The following ANKRD27 variants were observed in gnomAD, a reference collection of about 807,000 sequenced individuals.
ANKRD27 encodes ankyrin repeat domain-containing protein 27.
A neutral mutation model predicts 129.7 loss-of-function variants in ANKRD27; 112 were observed. The ratio of observed to expected loss-of-function variants is 0.86; its 90% CI spans 0.74 to 1.01. The LOEUF (loss-of-function observed/expected upper bound fraction) is 1.01. Ranked by LOEUF, ANKRD27 falls within the 50% of genes least tolerant of loss-of-function variation. The pLI is 0.00. For missense variants in ANKRD27, 1,258 were observed against 1,300.5 expected, an observed-to-expected ratio of 0.97 and a Z score of 0.50; for synonymous variants, 516 against 511.2, an observed-to-expected ratio of 1.01 and a Z score of -0.13.
In ANKRD27 at chr19:32,599,979, G is replaced by T; in HGVS notation, c.2839C>A (p.Gln947Lys). Residue 947 changes from glutamine to lysine, a missense_variant, in exon 27 of 29, where the codon CAG becomes AAG. By Grantham distance (53) the Gln-to-Lys change is moderately conservative. Transcript: ENST00000306065. ...RQFYFVHSAG[Q>K]FKGKTSREIM... ...CTTGAGTTTCATACTCACTTAAACTGACCAGCTGAGTGGACAAAGTAAAAC... is the reference window on the plus strand; with the variant it reads ...CTTGAGTTTCATACTCACTTAAACTTACCAGCTGAGTGGACAAAGTAAAAC... The T allele has an allele frequency of 6.2e-7, 1 of 1,612,126 alleles. No individual in the cohort carries two copies. Among genetic ancestry groups the T allele is most frequent in the Non-Finnish European group, 8.5e-7 (1 of 1,178,700 alleles).
chr19:32,661,242 CA>C (rs781767854), intron 1 of ANKRD27, among the ~76,000 whole-genome samples: 417 of 151,014 alleles, frequency 2.8e-3, no homozygotes, highest in Non-Finnish European at 4.7e-3. Context: ...CACACACACA[CA>C]CACACACATA....
chr19:32,647,320 T>C (rs1057486455), intron 3 of ANKRD27, among the ~76,000 whole-genome samples: 3 of 152,260 alleles, frequency 2.0e-5, no homozygotes, highest in African/African-American at 7.2e-5. Flanking sequence ...AGGAATGCCC[T>C]GAAAGGGATG....
At chr19:32,643,799 G>A (rs1170717636) in intron 5 of ANKRD27, 168 bp from the exon 6 acceptor site, 4 of 646,804 alleles carry the variant, frequency 6.2e-6, no homozygotes, top group Non-Finnish European at 1.1e-5. Flanking sequence ...TTAAAAGCAG[G>A]AGAAACTTCC....
At position 32,645,992 on chromosome 19, in the gene ANKRD27, C is replaced by T. The variant is rs190047845; in HGVS notation, c.370+467G>A. Among the ~76,000 whole-genome samples the T allele has an allele frequency of 4.1e-3, 614 of 151,452 alleles. 5 individuals carry two copies. The highest frequency in any genetic ancestry group is 7.6e-3 in the Admixed American group (116 of 15,174). ...TGTCACCCAGGATCGAGTACAGAGG[C>T]GTGATCTCAGCTTACTGCAACCTCC... On this transcript the variant is annotated intron_variant, in intron 4 of 28. Transcript: ENST00000306065.
intron 3 of ANKRD27, among the ~76,000 whole-genome samples, chr19:32,646,957 G>A (rs194588): frequency 1.3e-5 from 2 of 151,950 alleles, no homozygotes; most frequent in Non-Finnish European, 1.5e-5. Context: ...TCCTGAGTAC[G>A]TGGCACTACA....
intron 1 of ANKRD27, among the ~76,000 whole-genome samples, chr19:32,674,502 C>T (rs1169487493): frequency 6.6e-6 from 1 of 152,204 alleles, no homozygotes; most frequent in East Asian, 1.9e-4. Context: ...GGAACAGACT[C>T]AGAATCCGGA....
At chr19:32,661,254 T>C (rs1967641850) in intron 1 of ANKRD27, among the ~76,000 whole-genome samples, 1 of 147,626 alleles carries the variant, frequency 6.8e-6, no homozygotes, top group African/African-American at 2.5e-5. Flanking sequence ...CACACACATA[T>C]ACTCACACCA....
In ANKRD27 at chr19:32,674,855, G is replaced by C. The variant is rs371251238; in HGVS notation, c.-31+216C>G. On this transcript the variant is annotated intron_variant, in intron 1 of 28. Coordinates refer to ENST00000306065, the MANE Select transcript of ANKRD27 (RefSeq NM_032139.3). ...TCCCCTCCTCCAGACCCGAGGGGCGGAGTGGGCAGGGCGCGCCGGCTGCGC... is the reference window on the plus strand; with the variant it reads ...TCCCCTCCTCCAGACCCGAGGGGCGCAGTGGGCAGGGCGCGCCGGCTGCGC... Among the ~76,000 whole-genome samples, 27 of 152,150 alleles carry C rather than the reference G, an allele frequency of 1.8e-4. No homozygotes were observed. The East Asian group carries it at 2.3e-3, about 13-fold the overall frequency.
Position 32,641,901 on chromosome 19 carries a change from G to A in ANKRD27, c.904+123C>T, listed in dbSNP as rs967238560. 3 of 1,209,390 alleles carry A rather than the reference G, an allele frequency of 2.5e-6. No homozygotes were observed. The African/African-American group carries it at 4.6e-5, about 19-fold the overall frequency. The allele number at this position is 1,209,390 out of a possible 1,614,324, so 74.9% of individuals were successfully genotyped here. On this transcript the variant is annotated intron_variant, in intron 10 of 28. Coordinates refer to ENST00000306065, the MANE Select transcript of ANKRD27 (RefSeq NM_032139.3). ...TCCCACCTTGGCCTCCCAAAGCACT[G>A]GGGTTACAGAGGTGAGCCACTGCAC...
intron 10 of ANKRD27, among the ~76,000 whole-genome samples, chr19:32,641,105 G>A (rs1967192391): frequency 1.3e-5 from 2 of 151,818 alleles, no homozygotes; most frequent in South Asian, 4.1e-4. Context: ...GTTTCACCGT[G>A]CTAGCCAGGA....
At chr19:32,603,842 A>G (rs186509995) in intron 25 of ANKRD27, among the ~76,000 whole-genome samples, 151 of 152,226 alleles carry the variant, frequency 9.9e-4, no homozygotes, top group African/African-American at 3.6e-3. Flanking sequence ...CCTGGCCTCA[A>G]GGAGTTTTAA....
Position 32,607,766 on chromosome 19 carries a change from G to T in ANKRD27, c.2242C>A (p.Leu748Met). ...NVTSQDGSSP[L>M]HVAALHGRAD... ...CGGCCGTGCAGGGCGGCGACATGCAGCGGGGAGGAGCCGTCCTGGCTGGTC... is the reference window on the plus strand; with the variant it reads ...CGGCCGTGCAGGGCGGCGACATGCATCGGGGAGGAGCCGTCCTGGCTGGTC... Residue 748 changes from leucine to methionine, a missense_variant, in exon 23 of 29, where the codon CTG becomes ATG. Leu to Met is a conservative substitution (Grantham distance 15). Coordinates refer to ENST00000306065, the MANE Select transcript of ANKRD27 (RefSeq NM_032139.3). 6.2e-7 allele frequency: 1 copy of T among 1,612,784 alleles called. No individual in the cohort carries two copies.
chr19:32,615,155 G>A (rs1971896049), intron 22 of ANKRD27, among the ~76,000 whole-genome samples: 1 of 152,224 alleles, frequency 6.6e-6, no homozygotes, highest in Non-Finnish European at 1.5e-5. Flanking sequence ...ATCTCTGCTC[G>A]CTTACCTGCC....
chr19:32,657,622 C>CA (rs764894654), intron 2 of ANKRD27, among the ~76,000 whole-genome samples: 5,560 of 127,922 alleles, frequency 0.043, 116 homozygotes, highest in Middle Eastern at 0.083. Flanking sequence ...GACTCTGTCT[C>CA]AAAAAAAAAA....
At chr19:32,623,986 G>C (rs1343064291) in intron 17 of ANKRD27, among the ~76,000 whole-genome samples, 1 of 152,178 alleles carries the variant, frequency 6.6e-6, no homozygotes, top group Non-Finnish European at 1.5e-5. Flanking sequence ...GCTGAGTTCT[G>C]TAAGTCCTCC....
intron 12 of ANKRD27, chr19:32,636,340 G>GGTA (rs1967088349): frequency 6.4e-6 from 1 of 156,366 alleles, no homozygotes; most frequent in African/African-American, 2.4e-5. Flanking sequence ...GAAAGGAATG[G>GGTA]GTAAGGCCTC....
chr19:32,625,766 C>T, intron 17 of ANKRD27, 108 bp downstream of exon 17: 2 of 969,992 alleles, frequency 2.1e-6, no homozygotes, highest in Non-Finnish European at 1.4e-6. Flanking sequence ...TTTACACACC[C>T]AATGTTCCAA....
intron 15 of ANKRD27, 26 bp downstream of exon 15, chr19:32,628,057 C>CT (rs1966922302): frequency 1.2e-6 from 2 of 1,611,040 alleles, no homozygotes; most frequent in Admixed American, 3.3e-5. Context: ...GTGACAGCCC[C>CT]TAGGGGCCAG....
intron 3 of ANKRD27, among the ~76,000 whole-genome samples, chr19:32,649,175 GT>G (rs1450795266): frequency 6.6e-6 from 1 of 151,918 alleles, no homozygotes; most frequent in East Asian, 1.9e-4. Flanking sequence ...GTCTCGTTAT[GT>G]TTTCCAGGCT....
Sources: gnomAD v4.1 joint callset for allele counts (sites outside exome capture counted in the v4.1 genomes callset) on GRCh38, gnomAD v4.1.1 for gene constraint, MANE v1.5 for transcripts, NCBI Gene and HGNC (gene_info 2026-07-23, HGNC 2026-07-21) for gene names.